Variants in SPMIP3 observed in about 807,000 individuals in gnomAD.
The protein encoded by SPMIP3 is protein SPMIP3.
chr1:244,364,102 T>C, the SPMIP3 span, among the ~76,000 whole-genome samples: 417 of 142,112 alleles, frequency 2.9e-3, 15 homozygotes, highest in South Asian at 0.083. Flanking sequence ...GTACCTTTGC[T>C]TTTGCTTTTT....
the SPMIP3 span, among the ~76,000 whole-genome samples, chr1:244,367,822 T>A: frequency 1.3e-5 from 2 of 151,984 alleles, no homozygotes; most frequent in Non-Finnish European, 2.9e-5. Flanking sequence ...ACAAAACAGA[T>A]CTCAAACACA....
chr1:244,363,204 A>C, the SPMIP3 span, among the ~76,000 whole-genome samples: 1 of 152,124 alleles, frequency 6.6e-6, no homozygotes, highest in Admixed American at 6.5e-5. Flanking sequence ...TCAGGAGTAC[A>C]AGACCAGCCT....
At chr1:244,363,806 A>G in the SPMIP3 span, among the ~76,000 whole-genome samples, 20 of 152,338 alleles carry the variant, frequency 1.3e-4, no homozygotes, top group African/African-American at 4.8e-4. Context: ...GAAAAGTGCC[A>G]TATGCTCCAC....
At chr1:244,380,816 A>C in the SPMIP3 span, among the ~76,000 whole-genome samples, 1 of 152,028 alleles carries the variant, frequency 6.6e-6, no homozygotes, top group African/African-American at 2.4e-5. Flanking sequence ...AGCCATCAGG[A>C]AGATCAGGAA....
At chr1:244,377,157 T>A in the SPMIP3 span, among the ~76,000 whole-genome samples, 1 of 150,804 alleles carries the variant, frequency 6.6e-6, no homozygotes, top group Non-Finnish European at 1.5e-5. Context: ...GGAGTCTCGC[T>A]GTCTCCCAGG....
chr1:244,378,570 AAGCCTGCC>A, the SPMIP3 span: 3 of 1,614,204 alleles, frequency 1.9e-6, no homozygotes, highest in Non-Finnish European at 2.5e-6. Context: ...AAGACATTCA[AAGCCTGCC>A]GAGCCATGGT....
the SPMIP3 span, among the ~76,000 whole-genome samples, chr1:244,366,878 T>A: frequency 6.6e-6 from 1 of 151,672 alleles, no homozygotes; most frequent in South Asian, 2.1e-4. Context: ...AGACTCTGTC[T>A]CAAAAAAAAG....
the SPMIP3 span, among the ~76,000 whole-genome samples, chr1:244,359,785 G>A: frequency 2.2e-4 from 34 of 151,928 alleles, no homozygotes; most frequent in Non-Finnish European, 3.2e-4. Context: ...CTCAAAAGAA[G>A]ACACATAAAT....
the SPMIP3 span, among the ~76,000 whole-genome samples, chr1:244,388,220 C>T: frequency 3.9e-5 from 6 of 152,090 alleles, no homozygotes; most frequent in Non-Finnish European, 7.4e-5. Context: ...TGAGCCACCA[C>T]GCCTGGCCTA....
At chr1:244,353,245 G>A in the SPMIP3 span, among the ~76,000 whole-genome samples, 3 of 152,142 alleles carry the variant, frequency 2.0e-5, no homozygotes, top group South Asian at 2.1e-4. Context: ...ACAAAGTGCT[G>A]TATAAAACAG....
chr1:244,374,774 T>G, the SPMIP3 span, among the ~76,000 whole-genome samples: 1 of 151,642 alleles, frequency 6.6e-6, no homozygotes, highest in African/African-American at 2.4e-5. Context: ...TTTTTTGTAT[T>G]TTTAGTAGAG....
the SPMIP3 span, among the ~76,000 whole-genome samples, chr1:244,367,568 G>A: frequency 1.3e-5 from 2 of 152,180 alleles, no homozygotes; most frequent in African/African-American, 4.8e-5. Flanking sequence ...TCAGGTGCAG[G>A]AAGAGCCGGA....
At chr1:244,367,603 C>T in the SPMIP3 span, among the ~76,000 whole-genome samples, 2 of 152,146 alleles carry the variant, frequency 1.3e-5, no homozygotes, top group Admixed American at 6.5e-5. Flanking sequence ...CCCCAACCCA[C>T]GTGCGGCTCG....
At chr1:244,388,619 G>T in the SPMIP3 span, among the ~76,000 whole-genome samples, 1 of 152,138 alleles carries the variant, frequency 6.6e-6, no homozygotes. Context: ...TTTAGGGATG[G>T]CAATGAGTAC....
the SPMIP3 span, among the ~76,000 whole-genome samples, chr1:244,370,443 C>T: frequency 6.6e-6 from 1 of 152,200 alleles, no homozygotes; most frequent in Admixed American, 6.5e-5. Context: ...AGGCGTAGCA[C>T]TCACCACATC....
At chr1:244,375,237 G>C in the SPMIP3 span, 1 of 594,004 alleles carries the variant, frequency 1.7e-6, no homozygotes, top group Non-Finnish European at 2.9e-6. Flanking sequence ...GAAATTCCAT[G>C]GGTTTTAGGG....
the SPMIP3 span, among the ~76,000 whole-genome samples, chr1:244,366,154 G>A: frequency 5.6e-4 from 86 of 152,276 alleles, no homozygotes; most frequent in African/African-American, 1.9e-3. Flanking sequence ...CTTTGAGCAA[G>A]CCTCGTGTTT....
chr1:244,378,643 A>G, the SPMIP3 span: 1 of 1,611,438 alleles, frequency 6.2e-7, no homozygotes, highest in Non-Finnish European at 8.5e-7. Context: ...GAGATTGGTA[A>G]GTCAGGCCAA....
the SPMIP3 span, chr1:244,378,389 G>C: frequency 4.2e-6 from 6 of 1,424,846 alleles, no homozygotes; most frequent in Admixed American, 2.0e-5. Context: ...CGTTTCCAGG[G>C]AATGGATTCC....
Sources: allele counts gnomAD v4.1 joint callset (sites outside exome capture counted in the v4.1 genomes callset), GRCh38; gene constraint gnomAD v4.1.1; transcripts MANE v1.5; gene names NCBI Gene and HGNC (gene_info 2026-07-23, HGNC 2026-07-21).